The following PRKCH variants were observed in gnomAD, a reference collection of about 807,000 sequenced individuals.
PRKCH encodes the protein protein kinase C eta, also known as protein kinase C eta type.
Under a neutral mutation model 82.5 loss-of-function variants are expected in PRKCH, and 28 were observed. That is an observed-to-expected ratio of 0.34 (90% CI 0.25 to 0.47). PRKCH has a LOEUF of 0.47. Ranked by LOEUF, PRKCH falls within the 20% of genes least tolerant of loss-of-function variation. PRKCH has a pLI of 1.00. For synonymous variants in PRKCH, 322 were observed against 327.4 expected (o/e 0.98, Z 0.18); for missense variants, 705 against 881.8 (o/e 0.80, Z 2.54).
rs528227237 is a variant in PRKCH at position 61,364,653 on chromosome 14, A to G, written c.364-26572A>G. Reference sequence around the variant, plus strand: ...AGTTCGAGAGACCAGCCTGGGCAACATGGTGAAACCCCATCTCTACCAAAA... The same window carrying G: ...AGTTCGAGAGACCAGCCTGGGCAACGTGGTGAAACCCCATCTCTACCAAAA... On this transcript the variant is annotated intron_variant, in intron 1 of 13. Transcript: ENST00000332981. Among the ~76,000 whole-genome samples the G allele has an allele frequency of 4.6e-5, 7 of 152,040 alleles. No homozygotes were observed. The East Asian group carries it at 1.2e-3, about 25-fold the overall frequency.
chr14:61,496,716 G>A (rs1197582627), intron 10 of PRKCH, among the ~76,000 whole-genome samples: 2 of 152,220 alleles, frequency 1.3e-5, no homozygotes, highest in Non-Finnish European at 2.9e-5. Flanking sequence ...AATGACAGGA[G>A]AGTTAGGTGT....
At chr14:61,445,871 T>TGTGTAGAAACAA in intron 4 of PRKCH, 145 bp downstream of exon 4, 9 of 827,416 alleles carry the variant, frequency 1.1e-5, no homozygotes, top group Non-Finnish European at 1.7e-5. Flanking sequence ...TAGATACAAC[T>TGTGTAGAAACAA]CTTTAGTTTG....
chr14:61,244,086 A>G (rs1594870656), intron 1 of PRKCH, among the ~76,000 whole-genome samples: 2 of 152,340 alleles, frequency 1.3e-5, no homozygotes, highest in East Asian at 1.9e-4. Context: ...AAACAGGAGC[A>G]TAGAGTAGAA....
chr14:61,270,415 C>T (rs991759794), intron 1 of PRKCH, among the ~76,000 whole-genome samples: 1 of 152,164 alleles, frequency 6.6e-6, no homozygotes, highest in African/African-American at 2.4e-5. Flanking sequence ...AGGATTTTTC[C>T]TCCCTCATAC....
intron 2 of PRKCH, among the ~76,000 whole-genome samples, chr14:61,407,302 C>T (rs1203712553): frequency 6.6e-6 from 1 of 151,992 alleles, no homozygotes; most frequent in Non-Finnish European, 1.5e-5. Flanking sequence ...GTCTAAATAC[C>T]CTACCATTCT....
intron 13 of PRKCH, 96 bp downstream of exon 13, chr14:61,547,982 A>G: frequency 6.7e-7 from 1 of 1,500,562 alleles, no homozygotes; most frequent in Non-Finnish European, 9.0e-7. Context: ...CCTGTGGGTG[A>G]CAGACCAGAA....
At chr14:61,494,065 G>C (rs1886562054) in intron 10 of PRKCH, among the ~76,000 whole-genome samples, 1 of 152,166 alleles carries the variant, frequency 6.6e-6, no homozygotes, top group Non-Finnish European at 1.5e-5. Flanking sequence ...TTGTATGACA[G>C]GTGCCTGAGG....
intron 1 of PRKCH, among the ~76,000 whole-genome samples, chr14:61,369,898 A>G (rs989351422): frequency 1.8e-4 from 28 of 152,116 alleles, no homozygotes; most frequent in African/African-American, 6.0e-4. Flanking sequence ...GCAGTAATAC[A>G]TATGCATATA....
chr14:61,203,602 T>C (rs117275745), intron 1 of PRKCH, among the ~76,000 whole-genome samples: 2,608 of 152,242 alleles, frequency 0.017, 41 homozygotes, highest in Non-Finnish European at 0.022. Context: ...GCATCTCTTG[T>C]GGAGACAGCT....
At chr14:61,481,286 G>A (rs1006330500) in intron 9 of PRKCH, among the ~76,000 whole-genome samples, 13 of 152,288 alleles carry the variant, frequency 8.5e-5, no homozygotes, top group South Asian at 4.1e-4. Context: ...AGTAGATGTC[G>A]TAAAGCCTGC....
At chr14:61,329,234 CTTTTTTTTTT>C (rs71117812) in intron 1 of PRKCH, among the ~76,000 whole-genome samples, 2 of 63,462 alleles carry the variant, frequency 3.2e-5, no homozygotes, top group Non-Finnish European at 5.3e-5. Flanking sequence ...ACTCCTGAGT[CTTTTTTTTTT>C]TTTTTTTTTT....
chr14:61,520,642 T>A (rs2042894056), intron 10 of PRKCH, among the ~76,000 whole-genome samples: 1 of 152,222 alleles, frequency 6.6e-6, no homozygotes, highest in Non-Finnish European at 1.5e-5. Context: ...TATATTCTTC[T>A]TAAAGCTTAA....
At chr14:61,423,655 T>C (rs1882971257) in intron 2 of PRKCH, among the ~76,000 whole-genome samples, 1 of 151,980 alleles carries the variant, frequency 6.6e-6, no homozygotes, top group African/African-American at 2.4e-5. Flanking sequence ...GACAGGAACA[T>C]AGGTTTGTTT....
chr14:61,384,511 G>C (rs934435094), intron 1 of PRKCH, among the ~76,000 whole-genome samples: 1 of 152,076 alleles, frequency 6.6e-6, no homozygotes, highest in Non-Finnish European at 1.5e-5. Flanking sequence ...TGATGTCGCA[G>C]ATTGGTCAGG....
upstream of PRKCH, among the ~76,000 whole-genome samples, chr14:61,317,284 A>C (rs940892776): frequency 2.6e-5 from 4 of 152,086 alleles, no homozygotes; most frequent in Non-Finnish European, 5.9e-5. Flanking sequence ...TTCCCATCCC[A>C]GCCAAACTTC....
At chr14:61,246,302 G>A (rs959622400) in intron 1 of PRKCH, among the ~76,000 whole-genome samples, 6 of 151,386 alleles carry the variant, frequency 4.0e-5, no homozygotes, top group Admixed American at 1.3e-4. Flanking sequence ...CAGCTACTTG[G>A]GAGGTTGAGG....
intron 9 of PRKCH, among the ~76,000 whole-genome samples, chr14:61,458,597 A>G (rs891412597): frequency 2.0e-5 from 3 of 152,210 alleles, no homozygotes; most frequent in Non-Finnish European, 2.9e-5. Flanking sequence ...TCACATTGCT[A>G]CAAAGAACTA....
intron 10 of PRKCH, among the ~76,000 whole-genome samples, chr14:61,493,906 G>C (rs1213639285): frequency 6.6e-6 from 1 of 151,862 alleles, no homozygotes; most frequent in Non-Finnish European, 1.5e-5. Context: ...ATAGGACTTA[G>C]TATTTGGGTG....
chr14:61,226,765 A>G (rs2044699288), intron 1 of PRKCH, among the ~76,000 whole-genome samples: 1 of 152,190 alleles, frequency 6.6e-6, no homozygotes, highest in East Asian at 1.9e-4. Flanking sequence ...CCTAAATATT[A>G]TTATATCCAG....
Sources: gnomAD v4.1 joint callset for allele counts (sites outside exome capture counted in the v4.1 genomes callset) on GRCh38, gnomAD v4.1.1 for gene constraint, MANE v1.5 for transcripts, NCBI Gene and HGNC (gene_info 2026-07-23, HGNC 2026-07-21) for gene names.